Variants in SUGCT observed in about 807,000 individuals in gnomAD.
The protein encoded by SUGCT is succinyl-CoA:glutarate-CoA transferase.
In SUGCT, 41 loss-of-function variants were observed where a neutral mutation model predicts 55.0. The ratio of observed to expected loss-of-function variants is 0.74; its 90% CI spans 0.58 to 0.97. SUGCT has a LOEUF of 0.97. SUGCT is among the 50% of genes least tolerant of loss of function. The probability of loss-of-function intolerance (pLI) is 0.00; values close to 1 mark genes in which losing one functional copy is unlikely to be tolerated. For missense variants in SUGCT, 568 were observed against 547.8 expected, an observed-to-expected ratio of 1.04 and a Z score of -0.37; for synonymous variants, 187 against 200.4, an observed-to-expected ratio of 0.93 and a Z score of 0.56.
the SUGCT span, among the ~76,000 whole-genome samples, chr7:40,921,382 AAGGTCCT>A: frequency 6.6e-6 from 1 of 152,134 alleles, no homozygotes; most frequent in East Asian, 1.9e-4. Context: ...CCAGGGTGGA[AAGGTCCT>A]AGTGAGAGGG....
rs184186715 is a variant in SUGCT at position 40,320,813 on chromosome 7, A to G, written c.816+3958A>G. Reference sequence around the variant, plus strand: ...TACTTATTTTAAAATTAGATTTTAGAGCATACAAGTGCAGGTTTGTTACAT... The same window carrying G: ...TACTTATTTTAAAATTAGATTTTAGGGCATACAAGTGCAGGTTTGTTACAT... On this transcript the variant is annotated intron_variant, in intron 9 of 13. Coordinates refer to ENST00000335693, the MANE Select transcript of SUGCT (RefSeq NM_001193313.2). Among the ~76,000 whole-genome samples the G allele has an allele frequency of 2.2e-3, 340 of 152,314 alleles. 1 individual carries two copies. Among genetic ancestry groups the G allele is most frequent in the Non-Finnish European group, 2.6e-3 (180 of 68,024 alleles).
intron 12 of SUGCT, among the ~76,000 whole-genome samples, chr7:40,613,166 C>T (rs1206798650): frequency 6.6e-6 from 1 of 152,140 alleles, no homozygotes; most frequent in East Asian, 1.9e-4. Flanking sequence ...TTCAACGATA[C>T]TCTTATATGC....
At chr7:40,715,854 C>T (rs566119081) in intron 12 of SUGCT, among the ~76,000 whole-genome samples, 11 of 152,320 alleles carry the variant, frequency 7.2e-5, no homozygotes, top group African/African-American at 2.6e-4. Flanking sequence ...TCGCCCTCCC[C>T]TGTTTCCTCT....
intron 13 of SUGCT, among the ~76,000 whole-genome samples, chr7:40,776,356 G>T (rs1789452483): frequency 6.6e-6 from 1 of 152,050 alleles, no homozygotes; most frequent in South Asian, 2.1e-4. Flanking sequence ...AGTTTTGTGG[G>T]GTTTTGTTGG....
intron 10 of SUGCT, 57 bp downstream of exon 10, chr7:40,449,415 A>G: frequency 7.1e-7 from 1 of 1,404,070 alleles, no homozygotes; most frequent in Non-Finnish European, 1.0e-6. Flanking sequence ...GGGAAAGTTC[A>G]GTTTTGCCCA....
At chr7:40,815,893 G>A (rs1584480879) in intron 13 of SUGCT, among the ~76,000 whole-genome samples, 1 of 152,176 alleles carries the variant, frequency 6.6e-6, no homozygotes, top group Admixed American at 6.5e-5. Context: ...AGGAAGGGTG[G>A]TGCGGCTCAG....
chr7:40,220,405 A>G (rs747606999), intron 6 of SUGCT, among the ~76,000 whole-genome samples: 2 of 152,222 alleles, frequency 1.3e-5, no homozygotes, highest in Non-Finnish European at 2.9e-5. Flanking sequence ...ACTTGACTAT[A>G]TCAGGAGGAA....
chr7:40,811,211 T>C (rs1791394613), intron 13 of SUGCT, among the ~76,000 whole-genome samples: 1 of 152,220 alleles, frequency 6.6e-6, no homozygotes, highest in African/African-American at 2.4e-5. Flanking sequence ...TGCCTCCAGC[T>C]TTGTTCCTTT....
At chr7:40,950,748 C>G in the SUGCT span, among the ~76,000 whole-genome samples, 2 of 152,078 alleles carry the variant, frequency 1.3e-5, no homozygotes, top group Non-Finnish European at 2.9e-5. Flanking sequence ...TGTTTATATG[C>G]TGGATTACGT....
chr7:40,167,606 A>G (rs1226380659), intron 1 of SUGCT, among the ~76,000 whole-genome samples: 1 of 152,130 alleles, frequency 6.6e-6, no homozygotes, highest in Non-Finnish European at 1.5e-5. Flanking sequence ...TGAGTGTTAT[A>G]CCTCTATTAT....
At chr7:40,219,857 C>T (rs561192350) in intron 6 of SUGCT, among the ~76,000 whole-genome samples, 12 of 152,066 alleles carry the variant, frequency 7.9e-5, no homozygotes, top group Non-Finnish European at 1.8e-4. Flanking sequence ...AACTTTTTTC[C>T]TTAGAATTCT....
intron 6 of SUGCT, among the ~76,000 whole-genome samples, chr7:40,231,403 C>T (rs1016483503): frequency 6.6e-6 from 1 of 152,032 alleles, no homozygotes; most frequent in Non-Finnish European, 1.5e-5. Context: ...GAGAGATATC[C>T]ATCAAAAATA....
At chr7:40,950,102 T>G in the SUGCT span, among the ~76,000 whole-genome samples, 21 of 152,232 alleles carry the variant, frequency 1.4e-4, no homozygotes, top group Non-Finnish European at 2.9e-4. Context: ...GGGATGTTCT[T>G]CCATTTGTTT....
At chr7:40,191,849 C>A (rs1294754853) in intron 5 of SUGCT, among the ~76,000 whole-genome samples, 1 of 152,190 alleles carries the variant, frequency 6.6e-6, no homozygotes, top group African/African-American at 2.4e-5. Context: ...GTGGCTCACG[C>A]CTGTAATCCC....
At chr7:40,469,296 A>T (rs1261732857) in intron 11 of SUGCT, among the ~76,000 whole-genome samples, 1 of 152,166 alleles carries the variant, frequency 6.6e-6, no homozygotes, top group African/African-American at 2.4e-5. Context: ...AATTCTTTGA[A>T]TCATATCATG....
intron 13 of SUGCT, among the ~76,000 whole-genome samples, chr7:40,770,398 G>T (rs1789032277): frequency 6.6e-6 from 1 of 152,054 alleles, no homozygotes; most frequent in Non-Finnish European, 1.5e-5. Flanking sequence ...TTAGCTCATT[G>T]CTCCACCTTC....
intron 9 of SUGCT, among the ~76,000 whole-genome samples, chr7:40,406,690 C>T (rs1786388833): frequency 6.6e-6 from 1 of 152,174 alleles, no homozygotes; most frequent in Non-Finnish European, 1.5e-5. Flanking sequence ...TTAATGTACA[C>T]TATTCTCTTT....
chr7:40,856,397 G>T (rs530793186), intron 13 of SUGCT, among the ~76,000 whole-genome samples: 1 of 152,204 alleles, frequency 6.6e-6, no homozygotes, highest in African/African-American at 2.4e-5. Context: ...TATTTAACCA[G>T]TGCCCAACTT....
intron 13 of SUGCT, among the ~76,000 whole-genome samples, chr7:40,823,240 T>A (rs1002651186): frequency 2.0e-5 from 3 of 152,130 alleles, no homozygotes; most frequent in African/African-American, 7.2e-5. Flanking sequence ...GTCAATTAGA[T>A]CTTAAAAATA....
Sources: gnomAD v4.1 joint callset for allele counts (sites outside exome capture counted in the v4.1 genomes callset) on GRCh38, gnomAD v4.1.1 for gene constraint, MANE v1.5 for transcripts, NCBI Gene and HGNC (gene_info 2026-07-23, HGNC 2026-07-21) for gene names.